The following NECAB2 variants were observed in gnomAD, a reference collection of about 807,000 sequenced individuals.
The protein encoded by NECAB2 is N-terminal EF-hand calcium binding protein 2.
NECAB2 carries 68 observed loss-of-function variants against 51.9 expected under a neutral mutation model. The observed-to-expected ratio is 1.31, with a 90% CI of 1.08 to 1.60. The LOEUF is 1.60. Ranked by LOEUF, NECAB2 falls within the 40% of genes most tolerant of loss-of-function variation. The pLI, the probability that NECAB2 is intolerant of heterozygous loss-of-function variation, is 0.00. For missense variants in NECAB2, 854 were observed against 490.3 expected (o/e 1.74, Z -7.00); for synonymous variants, 329 against 203.5 (o/e 1.62, Z -5.25).
chr16:84,000,126 A>ACGT, intron 10 of NECAB2, among the ~76,000 whole-genome samples: 1 of 151,726 alleles, frequency 6.6e-6, no homozygotes, highest in Non-Finnish European at 1.5e-5. Context: ...TCCTGACCTC[A>ACGT]CGTAATCCAC....
At chr16:83,968,989 C>G (rs2084320174) in intron 1 of NECAB2, 140 bp downstream of exon 1, 1 of 405,266 alleles carries the variant, frequency 2.5e-6, no homozygotes, top group Non-Finnish European at 3.5e-6. Flanking sequence ...CTCCGCGTGC[C>G]GGAGCGGGAG....
At position 83,985,745 on chromosome 16, in the gene NECAB2, A is replaced by G. The variant is rs146004668; in HGVS notation, c.459+4618A>G. Among the ~76,000 whole-genome samples, 535 of 152,260 alleles carry G rather than the reference A, an allele frequency of 3.5e-3. 4 individuals carry two copies. Among genetic ancestry groups the G allele is most frequent in the African/African-American group, 0.012 (501 of 41,562 alleles). On this transcript the variant is annotated intron_variant, in intron 5 of 12. Coordinates refer to ENST00000305202, the MANE Select transcript of NECAB2 (RefSeq NM_019065.3). ...CCTGTTATGTTCTCATTTATTTTTC[A>G]GTTCATTGTATTAAGATAAAATTGA...
At chr16:83,973,421 C>T (rs78642971) in intron 2 of NECAB2, among the ~76,000 whole-genome samples, 1 of 152,172 alleles carries the variant, frequency 6.6e-6, no homozygotes, top group Non-Finnish European at 1.5e-5. Context: ...CCACCCTGGC[C>T]TCCTGCATCC....
Position 83,972,190 on chromosome 16 carries a change from C to T in NECAB2, c.226+15C>T. ...GGACAAAAATGGTGAGTTTCCCTTC[C>T]AGGCCGACGGCCGCCCCACTCCTTC... On this transcript the variant is annotated intron_variant, in intron 2 of 12. Transcript: ENST00000305202. The T allele has an allele frequency of 1.2e-6, 2 of 1,613,596 alleles. No individual in the cohort carries two copies. The highest frequency in any genetic ancestry group is 1.1e-5 in the South Asian group (1 of 91,084).
At chr16:83,996,974 AC>A (rs1314505534) in intron 8 of NECAB2, among the ~76,000 whole-genome samples, 2 of 151,856 alleles carry the variant, frequency 1.3e-5, no homozygotes, top group Non-Finnish European at 2.9e-5. Flanking sequence ...AGCATCTTGG[AC>A]TCAGGCCTCT....
chr16:83,981,340 T>G (rs1381666597), intron 5 of NECAB2, among the ~76,000 whole-genome samples: 1 of 152,030 alleles, frequency 6.6e-6, no homozygotes, highest in Non-Finnish European at 1.5e-5. Context: ...AGGAGGCATT[T>G]TCCCGGAATC....
intron 11 of NECAB2, among the ~76,000 whole-genome samples, chr16:84,001,464 T>G (rs1030011618): frequency 1.3e-5 from 2 of 152,120 alleles, no homozygotes; most frequent in African/African-American, 2.4e-5. Flanking sequence ...TGTCCGTACT[T>G]CAGTGACTCA....
chr16:84,000,161 C>CAA (rs1291002529), intron 10 of NECAB2, among the ~76,000 whole-genome samples: 1 of 152,158 alleles, frequency 6.6e-6, no homozygotes, highest in Non-Finnish European at 1.5e-5. Context: ...CAAGACTTCC[C>CAA]AAAGTTCTGC....
Position 83,994,371 on chromosome 16 carries a change from C to T in NECAB2, c.666C>T (p.Ala222=), listed in dbSNP as rs1468479783. The change falls in exon 7 of 13, where the codon GCC becomes GCT. Residue 222 remains alanine (A), a synonymous_variant. Coordinates refer to ENST00000305202, the MANE Select transcript of NECAB2 (RefSeq NM_019065.3). ...TWCGSPTPAS[A]PNHKLMAMEQ... ...GTGGAAGCCCCACTCCCGCCTCTGC[C>T]CCCAACCACAAGCTCATGGCTATGG... The T allele has an allele frequency of 6.2e-7, 1 of 1,614,038 alleles. No individual in the cohort carries two copies. The highest frequency in any genetic ancestry group is 1.3e-5 in the African/African-American group (1 of 74,906).
Position 84,002,422 on chromosome 16 carries a change from G to C in NECAB2, c.*76G>C. On this transcript the variant is annotated 3_prime_UTR_variant, in exon 13 of 13. Transcript: ENST00000305202. ...AGGAAATCCCGTTTTTTTCTAGACA[G>C]ACACTTTGGTGCAGAAGCTTCTTTT... is the stretch of plus-strand genomic sequence containing the variant. The C allele has an allele frequency of 6.5e-7, 1 of 1,532,490 alleles. No homozygotes were observed. Among genetic ancestry groups the C allele is most frequent in the Non-Finnish European group, 9.0e-7 (1 of 1,108,114 alleles). The allele number at this position is 1,532,490 out of a possible 1,614,324, so 94.9% of individuals were successfully genotyped here.
rs1315740643 is a variant in NECAB2 at position 83,981,114 on chromosome 16, G to C, written c.446G>C (p.Gly149Ala). 3.1e-6 allele frequency: 5 copies of C among 1,613,902 alleles called. No individual in the cohort carries two copies. The highest frequency in any genetic ancestry group is 4.2e-6 in the Non-Finnish European group (5 of 1,179,936). ...TLNHSVLKAM[G>A]YTKKVYEGGS... ...AATCACTCTGTCCTGAAGGCCATGG[G>C]TTATACCAAGAAGGTCAGTGGGTGT... The change falls in exon 5 of 13, where the codon GGT becomes GCT. Residue 149 changes from glycine to alanine, a missense_variant. By Grantham distance (60) the Gly-to-Ala change is moderately conservative. Transcript: ENST00000305202.
rs947470688 is a variant in NECAB2, at chr16:84,002,684, T to C, written c.*338T>C. Reference sequence around the variant, plus strand: ...CACCCTGCCCTCTTCGGTGACATTCTTCTACCTAGTAGGAGTCATGCCCCT... The same window carrying C: ...CACCCTGCCCTCTTCGGTGACATTCCTCTACCTAGTAGGAGTCATGCCCCT... On this transcript the variant is annotated 3_prime_UTR_variant, in exon 13 of 13. Coordinates refer to ENST00000305202, the MANE Select transcript of NECAB2 (RefSeq NM_019065.3). 18 of 386,932 alleles carry C rather than the reference T, an allele frequency of 4.7e-5. No homozygotes were observed. Among genetic ancestry groups the C allele is most frequent in the Non-Finnish European group, 8.7e-5 (18 of 207,024 alleles). 24.0% of individuals were successfully genotyped at this position (386,932 alleles called of 1,614,324 possible).
chr16:83,990,989 TA>T (rs200713515), intron 6 of NECAB2, among the ~76,000 whole-genome samples: 2 of 152,238 alleles, frequency 1.3e-5, no homozygotes, highest in African/African-American at 2.4e-5. Context: ...TTTATTTATT[TA>T]TTTTTTTGTT....
chr16:84,000,670 G>C, intron 10 of NECAB2, 54 bp from the exon 11 acceptor site: 14 of 1,536,336 alleles, frequency 9.1e-6, no homozygotes, highest in Non-Finnish European at 1.3e-5. Context: ...GAACAGCACT[G>C]AGGTGGCCTT....
At chr16:83,976,306 G>C (rs919917391) in intron 2 of NECAB2, among the ~76,000 whole-genome samples, 2 of 152,216 alleles carry the variant, frequency 1.3e-5, no homozygotes, top group African/African-American at 4.8e-5. Flanking sequence ...CTGGGTTCAA[G>C]CTTCAGCTGT....
At position 84,000,866 on chromosome 16, in the gene NECAB2, G is replaced by C. The variant is rs543161189; in HGVS notation, c.1040+65G>C. On this transcript the variant is annotated intron_variant, in intron 11 of 12. Transcript: ENST00000305202. Reference sequence around the variant, plus strand: ...GGGAAGTGGGGGGGCTGTCTTCCTGGAGCCAGGCATCCTTGGAGGGGAGGG... The same window carrying C: ...GGGAAGTGGGGGGGCTGTCTTCCTGCAGCCAGGCATCCTTGGAGGGGAGGG... The C allele has an allele frequency of 2.6e-5, 39 of 1,522,742 alleles. 1 individual carries two copies. In the South Asian group the frequency reaches 3.8e-4, roughly 15 times the overall value. 94.3% of individuals were successfully genotyped at this position (1,522,742 alleles called of 1,614,324 possible).
rs2084311336 is a variant in NECAB2, at chr16:83,968,363, G to T, written c.-286G>T. Among the ~76,000 whole-genome samples, 1 of 149,760 alleles carries T rather than the reference G, an allele frequency of 6.7e-6. No homozygotes were observed. The highest frequency in any genetic ancestry group is 2.4e-5 in the African/African-American group (1 of 41,036). On this transcript the variant is annotated 5_prime_UTR_variant, in exon 1 of 13. Coordinates refer to ENST00000305202, the MANE Select transcript of NECAB2 (RefSeq NM_019065.3). ...CAGGCCCCACATACCCCTCCCCTCCGGGTAGCCCCCTCTGTGGCTGCGCCC... is the reference window on the plus strand; with the variant it reads ...CAGGCCCCACATACCCCTCCCCTCCTGGTAGCCCCCTCTGTGGCTGCGCCC...
At chr16:84,000,172 G>T (rs111914748) in intron 10 of NECAB2, among the ~76,000 whole-genome samples, 10 of 152,034 alleles carry the variant, frequency 6.6e-5, no homozygotes, top group African/African-American at 1.2e-4. Flanking sequence ...AAAGTTCTGC[G>T]ATTACAGGCG....
chr16:83,997,300 C>T (rs200245744), intron 9 of NECAB2, 31 bp downstream of exon 9: 1 of 1,613,464 alleles, frequency 6.2e-7, no homozygotes, highest in African/African-American at 1.3e-5. Flanking sequence ...TCTTCTGGGA[C>T]CACATCCCTA....
Sources: allele counts gnomAD v4.1 joint callset (sites outside exome capture counted in the v4.1 genomes callset), GRCh38; gene constraint gnomAD v4.1.1; transcripts MANE v1.5; gene names NCBI Gene and HGNC (gene_info 2026-07-23, HGNC 2026-07-21).